Variants in MEIS2 observed in about 807,000 individuals in gnomAD.
MEIS2 encodes the protein homeobox protein Meis2.
A neutral mutation model predicts 58.6 loss-of-function variants in MEIS2; 9 were observed. The ratio of observed to expected loss-of-function variants is 0.15; its 90% CI spans 0.09 to 0.27. The LOEUF (loss-of-function observed/expected upper bound fraction) is 0.27, where lower values mean the gene tolerates loss of function less well. Ranked by LOEUF, MEIS2 falls within the 10% of genes least tolerant of loss-of-function variation. The pLI, the probability that MEIS2 is intolerant of heterozygous loss-of-function variation, is 1.00. For missense variants in MEIS2, 427 were observed against 635.0 expected (o/e 0.67, Z 3.52); for synonymous variants, 221 against 228.4 (o/e 0.97, Z 0.29).
chr15:36,995,628 G>A (rs1230722438), intron 8 of MEIS2, among the ~76,000 whole-genome samples: 5 of 125,510 alleles, frequency 4.0e-5, no homozygotes, highest in African/African-American at 1.5e-4. Flanking sequence ...TTTTTCTTCA[G>A]CAAGGCTGAA....
chr15:36,962,141 T>C (rs1432333671), intron 8 of MEIS2, among the ~76,000 whole-genome samples: 1 of 152,222 alleles, frequency 6.6e-6, no homozygotes, highest in Non-Finnish European at 1.5e-5. Context: ...GAATTGTTGG[T>C]TGCTGTTAAA....
chr15:36,989,372 T>A (rs74008824), intron 8 of MEIS2, among the ~76,000 whole-genome samples: 2,130 of 152,324 alleles, frequency 0.014, 59 homozygotes, highest in African/African-American at 0.048. Context: ...ATTTATATGC[T>A]CATGACAGTA....
intron 8 of MEIS2, among the ~76,000 whole-genome samples, chr15:36,984,391 C>G (rs1015133980): frequency 3.3e-5 from 5 of 152,076 alleles, no homozygotes; most frequent in African/African-American, 1.2e-4. Flanking sequence ...TTGTATGTCA[C>G]ATTTATTGAT....
At chr15:37,049,740 G>A (rs534503959) in intron 7 of MEIS2, among the ~76,000 whole-genome samples, 62 of 151,396 alleles carry the variant, frequency 4.1e-4, no homozygotes, top group African/African-American at 1.5e-3. Flanking sequence ...CATGCACCTC[G>A]GCTCCCAGTG....
chr15:37,035,020 A>G (rs1411503636), intron 8 of MEIS2, among the ~76,000 whole-genome samples: 3 of 152,162 alleles, frequency 2.0e-5, no homozygotes, highest in Admixed American at 6.5e-5. Context: ...GAGGTTGAAA[A>G]CACACGTAGC....
At chr15:37,074,132 TTCTAATTA>T (rs1891063349) in intron 7 of MEIS2, among the ~76,000 whole-genome samples, 1 of 151,926 alleles carries the variant, frequency 6.6e-6, no homozygotes, top group East Asian at 1.9e-4. Flanking sequence ...ACTGAGTGAG[TTCTAATTA>T]GATAATGGAG....
chr15:36,976,222 T>G (rs531312919), intron 8 of MEIS2, among the ~76,000 whole-genome samples: 36 of 151,884 alleles, frequency 2.4e-4, no homozygotes, highest in African/African-American at 7.5e-4. Context: ...ATAGCTGGGA[T>G]TACAGGCGGC....
At chr15:37,070,569 G>A (rs778634438) in intron 7 of MEIS2, among the ~76,000 whole-genome samples, 8 of 152,268 alleles carry the variant, frequency 5.3e-5, no homozygotes, top group Middle Eastern at 6.8e-3. Flanking sequence ...CTGCTCTACT[G>A]CAGCTTTCAA....
At chr15:37,015,135 T>C (rs1295659891) in intron 8 of MEIS2, among the ~76,000 whole-genome samples, 1 of 152,232 alleles carries the variant, frequency 6.6e-6, no homozygotes, top group Admixed American at 6.5e-5. Context: ...ATCAGCTTCC[T>C]AATACCAAAA....
At chr15:36,904,427 C>A (rs1181337503) in intron 9 of MEIS2, among the ~76,000 whole-genome samples, 1 of 151,336 alleles carries the variant, frequency 6.6e-6, no homozygotes. Context: ...ATGAAAGAAG[C>A]CTTATTGTAG....
intron 9 of MEIS2, among the ~76,000 whole-genome samples, chr15:36,942,624 G>A (rs966859425): frequency 1.3e-5 from 2 of 152,122 alleles, no homozygotes; most frequent in African/African-American, 4.8e-5. Context: ...GCTCTCCAGT[G>A]AATCAATGCA....
At chr15:36,950,795 T>C (rs985280501) in intron 8 of MEIS2, among the ~76,000 whole-genome samples, 2 of 152,122 alleles carry the variant, frequency 1.3e-5, no homozygotes, top group African/African-American at 2.4e-5. Context: ...TATTCTAAAT[T>C]ATCTTTGTGA....
At chr15:36,924,711 C>T (rs762945583) in intron 9 of MEIS2, among the ~76,000 whole-genome samples, 1 of 152,196 alleles carries the variant, frequency 6.6e-6, no homozygotes, top group Non-Finnish European at 1.5e-5. Flanking sequence ...TGGAATCAAT[C>T]CCTGCACAAT....
intron 7 of MEIS2, among the ~76,000 whole-genome samples, chr15:37,075,020 T>G (rs1028996858): frequency 6.6e-6 from 1 of 151,990 alleles, no homozygotes; most frequent in African/African-American, 2.4e-5. Context: ...GCCTAAAAAT[T>G]CATGAAATAC....
intron 7 of MEIS2, among the ~76,000 whole-genome samples, chr15:37,080,194 C>T (rs182832254): frequency 6.6e-6 from 1 of 152,166 alleles, no homozygotes; most frequent in African/African-American, 2.4e-5. Flanking sequence ...GTTATCTTTA[C>T]TCTACCCTTT....
At chr15:37,060,364 A>G (rs1245789588) in intron 7 of MEIS2, among the ~76,000 whole-genome samples, 2 of 152,148 alleles carry the variant, frequency 1.3e-5, no homozygotes, top group Non-Finnish European at 2.9e-5. Context: ...GTAATCTACA[A>G]ACTTTAAGGT....
At chr15:37,084,012 T>C in intron 6 of MEIS2, 127 bp from the exon 7 acceptor site, 2 of 686,728 alleles carry the variant, frequency 2.9e-6, no homozygotes, top group South Asian at 3.7e-5. Flanking sequence ...AGTAGGCATA[T>C]ACGCATGCCA....
At chr15:37,008,407 G>A (rs2061001437) in intron 8 of MEIS2, among the ~76,000 whole-genome samples, 1 of 152,158 alleles carries the variant, frequency 6.6e-6, no homozygotes, top group South Asian at 2.1e-4. Flanking sequence ...AATGAGTGTA[G>A]GTGAGTAAAA....
intron 9 of MEIS2, among the ~76,000 whole-genome samples, chr15:36,936,200 T>C (rs2058165344): frequency 6.7e-6 from 1 of 149,610 alleles, no homozygotes; most frequent in African/African-American, 2.4e-5. Flanking sequence ...TTTCTTTCTT[T>C]TTTTTTTTTT....
Sources: allele counts gnomAD v4.1 joint callset (sites outside exome capture counted in the v4.1 genomes callset), GRCh38; gene constraint gnomAD v4.1.1; transcripts MANE v1.5; gene names NCBI Gene and HGNC (gene_info 2026-07-23, HGNC 2026-07-21).